The following CARMIL1 variants were observed in gnomAD, a reference collection of about 807,000 sequenced individuals.
CARMIL1 encodes capping protein regulator and myosin 1 linker 1.
CARMIL1 carries 90 observed loss-of-function variants against 177.1 expected under a neutral mutation model. That is an observed-to-expected ratio of 0.51 (90% CI 0.43 to 0.61). CARMIL1 has a LOEUF of 0.61. Ranked by LOEUF, CARMIL1 falls within the 20% of genes least tolerant of loss-of-function variation. The probability of loss-of-function intolerance (pLI) is 0.00; values close to 1 mark genes in which losing one functional copy is unlikely to be tolerated. For missense variants in CARMIL1, 1,380 were observed against 1,667.0 expected, an observed-to-expected ratio of 0.83 and a Z score of 3.00; for synonymous variants, 577 against 606.2, an observed-to-expected ratio of 0.95 and a Z score of 0.71.
Position 25,450,684 on chromosome 6 carries a change from T to C in CARMIL1, c.587T>C (p.Leu196Ser), listed in dbSNP as rs1413051609. 2 of 1,607,066 alleles carry C rather than the reference T, an allele frequency of 1.2e-6. No individual in the cohort carries two copies. The highest frequency in any genetic ancestry group is 1.7e-6 in the Non-Finnish European group (2 of 1,176,064). Residue 196 changes from leucine (L) to serine (S), a missense_variant, in exon 8 of 37, where the codon TTA (leucine) becomes TCA (serine). Physicochemically the swap from Leu to Ser is moderately radical, Grantham distance 145. Transcript: ENST00000329474. ...ACCCAAGACACCAGGGAATTGAATT[T>C]ACAAGATTTTAGTCATCTTGACCAC... Reference protein sequence around the residue: ...YLTQDTRELNLQDFSHLDHRD... With the variant: ...YLTQDTRELNSQDFSHLDHRD...
intron 2 of CARMIL1, among the ~76,000 whole-genome samples, chr6:25,399,594 A>G (rs767736494): frequency 6.6e-6 from 1 of 152,246 alleles, no homozygotes; most frequent in Non-Finnish European, 1.5e-5. Context: ...AGTGAAAAAT[A>G]TAAGTTTTGT....
chr6:25,451,985 T>TTCCCCCCCC, intron 8 of CARMIL1: 8 of 105,380 alleles, frequency 7.6e-5, no homozygotes, highest in South Asian at 4.3e-4. Flanking sequence ...ACTAGCATCT[T>TTCCCCCCCC]GCCCCCCCCT....
chr6:25,493,722 A>C (rs760441903), intron 15 of CARMIL1, among the ~76,000 whole-genome samples: 1 of 152,200 alleles, frequency 6.6e-6, no homozygotes, highest in Non-Finnish European at 1.5e-5. Flanking sequence ...TAGAGGGATG[A>C]AGCATCATCC....
chr6:25,529,327 A>G (rs902411528), intron 24 of CARMIL1, among the ~76,000 whole-genome samples: 1 of 152,204 alleles, frequency 6.6e-6, no homozygotes, highest in Non-Finnish European at 1.5e-5. Flanking sequence ...TTTTGAAGAA[A>G]AGTTTGATGA....
chr6:25,381,941 G>A (rs1169009723), intron 2 of CARMIL1, among the ~76,000 whole-genome samples: 1 of 151,940 alleles, frequency 6.6e-6, no homozygotes, highest in Admixed American at 6.6e-5. Context: ...TCATCCTGAA[G>A]CTCTCTAGGG....
intron 4 of CARMIL1, among the ~76,000 whole-genome samples, chr6:25,430,460 C>T (rs551184389): frequency 2.0e-5 from 3 of 148,940 alleles, no homozygotes; most frequent in Non-Finnish European, 4.4e-5. Context: ...GACAGGGTCT[C>T]GCACTGTTGC....
chr6:25,476,696 G>A (rs1801604018), intron 11 of CARMIL1, among the ~76,000 whole-genome samples: 1 of 152,036 alleles, frequency 6.6e-6, no homozygotes. Flanking sequence ...ATGGTATTTT[G>A]TGTTTAAAAC....
At chr6:25,472,847 G>A (rs1801207690) in intron 11 of CARMIL1, among the ~76,000 whole-genome samples, 1 of 152,132 alleles carries the variant, frequency 6.6e-6, no homozygotes, top group Non-Finnish European at 1.5e-5. Flanking sequence ...TACTGTCCTT[G>A]GCTCAGGAGT....
At position 25,489,281 on chromosome 6, in the gene CARMIL1, A is replaced by G. The variant is rs952891288; in HGVS notation, c.1065+696A>G. On this transcript the variant is annotated intron_variant, in intron 13 of 36. Coordinates refer to ENST00000329474, the MANE Select transcript of CARMIL1 (RefSeq NM_017640.6). ...CTCATTATTATTATTGTTACTGGGA[A>G]GACTGATGGTTATAGGTTACAATTG... Among the ~76,000 whole-genome samples the G allele has an allele frequency of 5.9e-5, 9 of 152,308 alleles. No individual in the cohort carries two copies. The East Asian group carries it at 1.5e-3, about 26-fold the overall frequency.
At chr6:25,442,407 T>C (rs1020936345) in intron 5 of CARMIL1, among the ~76,000 whole-genome samples, 3 of 151,954 alleles carry the variant, frequency 2.0e-5, no homozygotes, top group African/African-American at 7.3e-5. Context: ...GTTTACCTTT[T>C]ATGGTACTTA....
intron 5 of CARMIL1, among the ~76,000 whole-genome samples, chr6:25,444,597 C>A (rs912981241): frequency 3.3e-5 from 5 of 152,142 alleles, no homozygotes; most frequent in Admixed American, 2.6e-4. Context: ...TTGTTCAATT[C>A]CCACCTTTGA....
chr6:25,428,211 A>C, intron 4 of CARMIL1, among the ~76,000 whole-genome samples: 1 of 152,158 alleles, frequency 6.6e-6, no homozygotes, highest in East Asian at 1.9e-4. Context: ...TATAGATCAA[A>C]ATTTTTTTTT....
At chr6:25,346,473 A>T (rs1195333338) in intron 2 of CARMIL1, among the ~76,000 whole-genome samples, 3 of 152,166 alleles carry the variant, frequency 2.0e-5, no homozygotes, top group Admixed American at 6.5e-5. Flanking sequence ...CCTGGCCACC[A>T]ATCTTAACTT....
intron 25 of CARMIL1, 116 bp downstream of exon 25, chr6:25,538,099 AG>A: frequency 8.8e-7 from 1 of 1,138,748 alleles, no homozygotes; most frequent in South Asian, 1.6e-5. Context: ...TTTACTAACA[AG>A]TGGCAAAGTG....
chr6:25,367,171 T>C (rs1364268083), intron 2 of CARMIL1, among the ~76,000 whole-genome samples: 1 of 152,230 alleles, frequency 6.6e-6, no homozygotes, highest in African/African-American at 2.4e-5. Flanking sequence ...GGGTGTGGTT[T>C]AGTGCTGCAT....
intron 22 of CARMIL1, among the ~76,000 whole-genome samples, chr6:25,519,502 A>C (rs1582224196): frequency 6.6e-6 from 1 of 152,108 alleles, no homozygotes; most frequent in Non-Finnish European, 1.5e-5. Flanking sequence ...AAAATGGCTC[A>C]CTCCTGCATG....
At chr6:25,382,558 C>T (rs565293482) in intron 2 of CARMIL1, among the ~76,000 whole-genome samples, 39 of 152,206 alleles carry the variant, frequency 2.6e-4, no homozygotes, top group African/African-American at 7.7e-4. Flanking sequence ...AGCTTTTATT[C>T]CCTTATTTGT....
chr6:25,551,202 A>G, intron 27 of CARMIL1, 117 bp downstream of exon 27: 3 of 721,356 alleles, frequency 4.2e-6, no homozygotes, highest in East Asian at 2.6e-5. Flanking sequence ...GGCATGTTTA[A>G]TAGGCAGAAA....
chr6:25,298,608 T>G (rs955900063), intron 2 of CARMIL1, among the ~76,000 whole-genome samples: 1 of 148,002 alleles, frequency 6.8e-6, no homozygotes, highest in African/African-American at 2.6e-5. Context: ...CCTCTTTCAC[T>G]TCCCAGTTAC....
Sources: gnomAD v4.1 joint callset for allele counts (sites outside exome capture counted in the v4.1 genomes callset) on GRCh38, gnomAD v4.1.1 for gene constraint, MANE v1.5 for transcripts, NCBI Gene and HGNC (gene_info 2026-07-23, HGNC 2026-07-21) for gene names.